CRACD: variants seen among roughly 807,000 people sequenced by gnomAD.
The protein encoded by CRACD is capping protein-inhibiting regulator of actin dynamics.
Under a neutral mutation model 106.8 loss-of-function variants are expected in CRACD, and 56 were observed. The observed-to-expected ratio is 0.52, with a 90% CI of 0.42 to 0.66. The LOEUF is 0.66. Among genes scored for constraint, CRACD ranks in the 30% least tolerant of loss-of-function variants. CRACD has a pLI of 0.00. For missense variants in CRACD, 1,730 were observed against 1,623.2 expected, an observed-to-expected ratio of 1.07 and a Z score of -1.13; for synonymous variants, 754 against 670.8, an observed-to-expected ratio of 1.12 and a Z score of -1.92.
Position 56,328,443 on chromosome 4 carries a change from A to G in CRACD, c.*639A>G. On this transcript the variant is annotated 3_prime_UTR_variant, in exon 11 of 11. Coordinates refer to ENST00000682029, the MANE Select transcript of CRACD (RefSeq NM_001393381.1). ...CATTTTTACCGCACTGTGGATTCAT[A>G]GTGTGGGGCCCTGTTATTCCAATAC... 3.9e-6 allele frequency: 2 copies of G among 516,898 alleles called. No individual in the cohort carries two copies. Among genetic ancestry groups the G allele is most frequent in the South Asian group, 2.8e-5 (2 of 70,958 alleles). The allele number at this position is 516,898 out of a possible 1,614,324, so 32.0% of individuals were successfully genotyped here. A position where few individuals can be genotyped will look rare whatever the true frequency, so the allele number is the denominator to read the frequency against.
intron 3 of CRACD, among the ~76,000 whole-genome samples, chr4:56,282,329 G>C (rs998657568): frequency 5.3e-5 from 8 of 152,202 alleles, no homozygotes; most frequent in African/African-American, 1.9e-4. Context: ...GGGCTGGCCT[G>C]AGGCATGCAT....
intron 2 of CRACD, among the ~76,000 whole-genome samples, chr4:56,242,828 C>T (rs1024413055): frequency 6.6e-5 from 10 of 152,100 alleles, no homozygotes; most frequent in Admixed American, 2.0e-4. Context: ...AGATAGCAGG[C>T]GAGGGAGGGT....
intron 2 of CRACD, among the ~76,000 whole-genome samples, chr4:56,239,973 T>C (rs1215743889): frequency 6.6e-6 from 1 of 152,086 alleles, no homozygotes; most frequent in Non-Finnish European, 1.5e-5. Context: ...TGATTAAGCC[T>C]ATGACAGGTT....
intron 1 of CRACD, among the ~76,000 whole-genome samples, chr4:56,145,768 C>T (rs1207154132): frequency 3.9e-5 from 6 of 151,980 alleles, no homozygotes; most frequent in African/African-American, 9.7e-5. Flanking sequence ...AAGTGTGTGA[C>T]TCCACACCCA....
chr4:56,166,666 ACT>A (rs1178356084), intron 1 of CRACD, among the ~76,000 whole-genome samples: 1 of 77,628 alleles, frequency 1.3e-5, no homozygotes, highest in Non-Finnish European at 2.3e-5. Flanking sequence ...ACAGAGAGAC[ACT>A]CTGTCTCAAA....
intron 1 of CRACD, among the ~76,000 whole-genome samples, chr4:56,135,796 T>A (rs76321154): frequency 6.6e-6 from 1 of 152,284 alleles, no homozygotes; most frequent in African/African-American, 2.4e-5. Flanking sequence ...TAATGAGATA[T>A]GACATAGGAA....
At chr4:56,226,376 T>C (rs1195322757) in intron 2 of CRACD, among the ~76,000 whole-genome samples, 1 of 152,174 alleles carries the variant, frequency 6.6e-6, no homozygotes, top group Non-Finnish European at 1.5e-5. Context: ...GATCAGCTGC[T>C]GAGAATGAGA....
chr4:56,173,124 T>C (rs1182848534), intron 1 of CRACD, among the ~76,000 whole-genome samples: 3 of 152,210 alleles, frequency 2.0e-5, no homozygotes, highest in African/African-American at 7.2e-5. Flanking sequence ...AGCACTTGTT[T>C]TTTAGGGTGA....
At chr4:56,148,041 G>A (rs896976188) in intron 1 of CRACD, among the ~76,000 whole-genome samples, 2 of 152,200 alleles carry the variant, frequency 1.3e-5, no homozygotes, top group Admixed American at 6.5e-5. Flanking sequence ...ATGTGAAGAC[G>A]TAGCAAGAAG....
intron 3 of CRACD, among the ~76,000 whole-genome samples, chr4:56,279,697 G>C (rs1742905871): frequency 6.6e-6 from 1 of 152,156 alleles, no homozygotes; most frequent in Non-Finnish European, 1.5e-5. Flanking sequence ...CTGTTGGTGG[G>C]ACTGTAAACT....
chr4:56,317,989 T>C (rs1745795283), intron 8 of CRACD, among the ~76,000 whole-genome samples: 1 of 152,116 alleles, frequency 6.6e-6, no homozygotes, highest in Non-Finnish European at 1.5e-5. Flanking sequence ...GTTACTCACA[T>C]TTCCCAGAGA....
intron 2 of CRACD, among the ~76,000 whole-genome samples, chr4:56,230,846 A>G (rs931187686): frequency 5.9e-5 from 9 of 152,226 alleles, no homozygotes; most frequent in Non-Finnish European, 7.3e-5. Flanking sequence ...ATATAACAAC[A>G]TAAATAAGTT....
chr4:56,194,552 C>T (rs1262063673), intron 2 of CRACD, among the ~76,000 whole-genome samples: 1 of 152,152 alleles, frequency 6.6e-6, no homozygotes, highest in African/African-American at 2.4e-5. Context: ...TTAGGATATA[C>T]AGCCTTTGGG....
At chr4:56,234,753 T>G (rs550226574) in intron 2 of CRACD, among the ~76,000 whole-genome samples, 36 of 152,208 alleles carry the variant, frequency 2.4e-4, no homozygotes, top group Admixed American at 2.4e-3. Context: ...GTACTAGAAA[T>G]TGGGAAACGG....
chr4:56,235,595 A>G (rs551896758), intron 2 of CRACD, among the ~76,000 whole-genome samples: 25 of 152,330 alleles, frequency 1.6e-4, no homozygotes, highest in African/African-American at 6.0e-4. Flanking sequence ...CAAAGTACTA[A>G]TTGAAAGTCA....
chr4:56,315,581 C>G lies in CRACD; in HGVS notation c.2079C>G (p.Pro693=), dbSNP rs764882992. 3.1e-6 allele frequency: 5 copies of G among 1,614,108 alleles called. No individual in the cohort carries two copies. Among genetic ancestry groups the G allele is most frequent in the South Asian group, 1.1e-5 (1 of 91,078 alleles). Residue 693 remains proline, a synonymous_variant, in exon 8 of 11, where the codon CCC becomes CCG. Coordinates refer to ENST00000682029, the MANE Select transcript of CRACD (RefSeq NM_001393381.1). The surrounding 1 kb of genome is among the most constrained non-coding windows in gnomAD (Gnocchi z 4.1). The part of the protein sequence containing the change: ...PRSSERDQLR[P]GDESTPRGRC... ...GCAGCGAGAGGGACCAGTTGAGGCCCGGTGATGAGTCCACTCCCAGGGGCC... is the reference window on the plus strand; with the variant it reads ...GCAGCGAGAGGGACCAGTTGAGGCCGGGTGATGAGTCCACTCCCAGGGGCC...
chr4:56,313,016 T>C (rs1745253384), intron 6 of CRACD, among the ~76,000 whole-genome samples, 181 bp from the exon 7 acceptor site: 1 of 152,184 alleles, frequency 6.6e-6, no homozygotes, highest in African/African-American at 2.4e-5. Flanking sequence ...GAACAAATAG[T>C]CAATGTCCTT....
intron 2 of CRACD, among the ~76,000 whole-genome samples, chr4:56,230,108 C>T (rs1302985339): frequency 6.6e-6 from 1 of 152,192 alleles, no homozygotes; most frequent in African/African-American, 2.4e-5. Flanking sequence ...CTGTTCACCA[C>T]ATTAATTGCC....
intron 2 of CRACD, among the ~76,000 whole-genome samples, chr4:56,194,942 A>G (rs1737536410): frequency 6.6e-6 from 1 of 152,142 alleles, no homozygotes; most frequent in South Asian, 2.1e-4. Context: ...TTATGTGGAG[A>G]CTGTGTTGTC....
Sources: gnomAD v4.1 joint callset for allele counts (sites outside exome capture counted in the v4.1 genomes callset) on GRCh38, gnomAD v4.1.1 for gene constraint, Gnocchi (gnomAD v3.1) non-coding constraint, MANE v1.5 for transcripts, NCBI Gene and HGNC (gene_info 2026-07-23, HGNC 2026-07-21) for gene names.